The following ADAMTSL1 variants were observed in gnomAD, a reference collection of about 807,000 sequenced individuals.
ADAMTSL1 encodes ADAMTS-like protein 1.
Under a neutral mutation model 201.8 loss-of-function variants are expected in ADAMTSL1, and 126 were observed. The ratio of observed to expected loss-of-function variants is 0.62; its 90% CI spans 0.54 to 0.72. The LOEUF (loss-of-function observed/expected upper bound fraction) is 0.72, where lower values mean the gene tolerates loss of function less well. Ranked by LOEUF, ADAMTSL1 falls within the 30% of genes least tolerant of loss-of-function variation. ADAMTSL1 has a pLI of 0.00. For synonymous variants in ADAMTSL1, 1,121 were observed against 903.4 expected (o/e 1.24, Z -4.32); for missense variants, 2,679 against 2,277.8 (o/e 1.18, Z -3.59).
At chr9:18,788,113 G>A (rs1413886644) in intron 19 of ADAMTSL1, among the ~76,000 whole-genome samples, 1 of 151,996 alleles carries the variant, frequency 6.6e-6, no homozygotes, top group South Asian at 2.1e-4. Context: ...AACAGCAAAG[G>A]TTAAAAAAAG....
chr9:18,369,604 A>G (rs925686364), intron 2 of ADAMTSL1, among the ~76,000 whole-genome samples: 1 of 152,234 alleles, frequency 6.6e-6, no homozygotes, highest in African/African-American at 2.4e-5. Flanking sequence ...AACTACCATT[A>G]GACCCATCTA....
intron 22 of ADAMTSL1, among the ~76,000 whole-genome samples, chr9:18,828,258 T>A (rs1824718951): frequency 6.6e-6 from 1 of 152,106 alleles, no homozygotes; most frequent in Non-Finnish European, 1.5e-5. Flanking sequence ...CAAATGGACA[T>A]GCACTGAAAA....
At chr9:18,341,496 C>G (rs2132966121) in intron 2 of ADAMTSL1, among the ~76,000 whole-genome samples, 1 of 152,180 alleles carries the variant, frequency 6.6e-6, no homozygotes, top group South Asian at 2.1e-4. Flanking sequence ...GAATAAATGT[C>G]CTCCATAAAT....
At chr9:18,221,783 T>C (rs1210496995) in intron 2 of ADAMTSL1, among the ~76,000 whole-genome samples, 2 of 152,152 alleles carry the variant, frequency 1.3e-5, no homozygotes, top group Admixed American at 1.3e-4. Context: ...GTGTTCTATA[T>C]AAGTCCCTTA....
chr9:18,628,874 A>G (rs1236690151), intron 5 of ADAMTSL1, among the ~76,000 whole-genome samples: 1 of 152,144 alleles, frequency 6.6e-6, no homozygotes, highest in African/African-American at 2.4e-5. Context: ...AAAATTAGAG[A>G]TGAGGTTTCA....
chr9:18,783,109 G>A (rs1333870156), intron 19 of ADAMTSL1, among the ~76,000 whole-genome samples: 2 of 152,196 alleles, frequency 1.3e-5, no homozygotes, highest in Non-Finnish European at 2.9e-5. Context: ...GGGCTAGTAA[G>A]GGGCCATTGC....
chr9:18,112,506 C>T (rs1360000694), intron 1 of ADAMTSL1, among the ~76,000 whole-genome samples: 1 of 148,388 alleles, frequency 6.7e-6, no homozygotes, highest in Non-Finnish European at 1.5e-5. Flanking sequence ...TTTCCTAGTT[C>T]TTATCTCACT....
At chr9:18,482,854 G>C (rs967668152) in intron 1 of ADAMTSL1, among the ~76,000 whole-genome samples, 1 of 152,186 alleles carries the variant, frequency 6.6e-6, no homozygotes, top group Non-Finnish European at 1.5e-5. Flanking sequence ...AACGTTTTCA[G>C]AACTAGCCGG....
chr9:18,443,284 T>C (rs1192994845), intron 2 of ADAMTSL1, among the ~76,000 whole-genome samples: 1 of 152,244 alleles, frequency 6.6e-6, no homozygotes, highest in Non-Finnish European at 1.5e-5. Context: ...TTCCTGTTGC[T>C]GATGACATCA....
intron 3 of ADAMTSL1, among the ~76,000 whole-genome samples, chr9:18,569,414 A>G (rs1484758566): frequency 6.6e-6 from 1 of 152,184 alleles, no homozygotes; most frequent in Admixed American, 6.5e-5. Flanking sequence ...GGATCATGTT[A>G]TTATTTCACA....
chr9:18,429,712 A>G (rs1255614144), intron 2 of ADAMTSL1, among the ~76,000 whole-genome samples: 1 of 152,152 alleles, frequency 6.6e-6, no homozygotes, highest in Non-Finnish European at 1.5e-5. Context: ...TTGTTAAATG[A>G]TAAGGATTTT....
At chr9:18,868,687 T>C (rs1408566328) in intron 23 of ADAMTSL1, among the ~76,000 whole-genome samples, 1 of 152,220 alleles carries the variant, frequency 6.6e-6, no homozygotes, top group Non-Finnish European at 1.5e-5. Flanking sequence ...GATTTTAACC[T>C]GATGCACGTA....
chr9:18,205,249 T>C (rs1426298551), intron 2 of ADAMTSL1, among the ~76,000 whole-genome samples: 1 of 152,194 alleles, frequency 6.6e-6, no homozygotes, highest in Non-Finnish European at 1.5e-5. Flanking sequence ...GACTCATAAT[T>C]ATATACACTA....
At chr9:18,404,063 A>T (rs1347958695) in intron 2 of ADAMTSL1, among the ~76,000 whole-genome samples, 1 of 152,188 alleles carries the variant, frequency 6.6e-6, no homozygotes, top group Admixed American at 6.5e-5. Flanking sequence ...ACAATAAAAT[A>T]ATGCTATAAT....
intron 2 of ADAMTSL1, among the ~76,000 whole-genome samples, chr9:18,515,327 G>A (rs1053168513): frequency 9.2e-5 from 14 of 152,098 alleles, no homozygotes; most frequent in African/African-American, 3.1e-4. Context: ...AAGAAAAGAA[G>A]AATTTTTGTT....
intron 4 of ADAMTSL1, among the ~76,000 whole-genome samples, chr9:18,605,274 G>A (rs75483123): frequency 1.8e-3 from 268 of 152,232 alleles, no homozygotes; most frequent in African/African-American, 6.2e-3. Flanking sequence ...ATTTATGATC[G>A]CCAGTACATG....
chr9:18,885,078 G>A (rs561435866), intron 23 of ADAMTSL1, among the ~76,000 whole-genome samples: 30 of 152,200 alleles, frequency 2.0e-4, no homozygotes, highest in African/African-American at 3.6e-4. Context: ...GTATTTTGTC[G>A]TTTTCAGTGT....
intron 2 of ADAMTSL1, among the ~76,000 whole-genome samples, chr9:18,386,166 T>A (rs1393356295): frequency 6.6e-6 from 1 of 152,120 alleles, no homozygotes; most frequent in Admixed American, 6.6e-5. Flanking sequence ...TGTCTAAGAG[T>A]TGCTTGATAA....
intron 1 of ADAMTSL1, among the ~76,000 whole-genome samples, chr9:18,482,377 G>T (rs1044185298): frequency 6.6e-6 from 1 of 152,166 alleles, no homozygotes; most frequent in African/African-American, 2.4e-5. Context: ...TTTTCACGGA[G>T]TTTCCATTTT....
Sources: gnomAD v4.1 joint callset for allele counts (sites outside exome capture counted in the v4.1 genomes callset) on GRCh38, gnomAD v4.1.1 for gene constraint, MANE v1.5 for transcripts, NCBI Gene and HGNC (gene_info 2026-07-23, HGNC 2026-07-21) for gene names.